The following AOPEP variants were observed in gnomAD, a reference collection of about 807,000 sequenced individuals.
AOPEP encodes aminopeptidase O.
Under a neutral mutation model 98.1 loss-of-function variants are expected in AOPEP, and 77 were observed. That is an observed-to-expected ratio of 0.78 (90% CI 0.65 to 0.95). AOPEP has a LOEUF of 0.95. Ranked by LOEUF, AOPEP falls within the 40% of genes least tolerant of loss-of-function variation. The pLI is 0.00. For missense variants in AOPEP, 1,024 were observed against 1,024.7 expected (o/e 1.00, Z 0.01); for synonymous variants, 346 against 365.3 (o/e 0.95, Z 0.60).
the AOPEP span, among the ~76,000 whole-genome samples, chr9:95,132,428 G>A: frequency 1.5e-3 from 229 of 152,316 alleles, 2 homozygotes; most frequent in South Asian, 0.025. Flanking sequence ...CGGTGACATC[G>A]GTTTTTAAGG....
chr9:94,880,950 G>T (rs2047513032), intron 5 of AOPEP, among the ~76,000 whole-genome samples: 1 of 152,002 alleles, frequency 6.6e-6, no homozygotes, highest in Non-Finnish European at 1.5e-5. Flanking sequence ...CAACACAAGG[G>T]GCTACTAGTT....
chr9:94,814,864 CTGTT>C (rs1276314183), intron 5 of AOPEP, among the ~76,000 whole-genome samples: 12 of 152,274 alleles, frequency 7.9e-5, no homozygotes, highest in Admixed American at 7.2e-4. Context: ...AGACGGTACT[CTGTT>C]TGGTTTTTGG....
intron 1 of AOPEP, among the ~76,000 whole-genome samples, chr9:94,749,501 A>G (rs962403377): frequency 2.6e-5 from 4 of 152,174 alleles, no homozygotes; most frequent in African/African-American, 9.7e-5. Flanking sequence ...TTGTGACCAC[A>G]TTCTCTTTTG....
chr9:95,116,403 A>G, the AOPEP span, among the ~76,000 whole-genome samples: 3 of 152,244 alleles, frequency 2.0e-5, no homozygotes, highest in Non-Finnish European at 4.4e-5. Context: ...GCAAGAACCT[A>G]CATCTTCTCG....
the AOPEP span, among the ~76,000 whole-genome samples, chr9:95,097,247 C>CTAAAG: frequency 3.3e-5 from 5 of 152,362 alleles, no homozygotes; most frequent in East Asian, 9.6e-4. Flanking sequence ...CTGGCATAGG[C>CTAAAG]TAAAGTATAG....
chr9:94,786,852 T>C (rs1844544290), intron 3 of AOPEP, among the ~76,000 whole-genome samples: 1 of 152,230 alleles, frequency 6.6e-6, no homozygotes, highest in Non-Finnish European at 1.5e-5. Flanking sequence ...TGGCTGGTTC[T>C]TATTTGGCCC....
chr9:94,835,130 C>G (rs1488515350), intron 5 of AOPEP, among the ~76,000 whole-genome samples: 1 of 152,176 alleles, frequency 6.6e-6, no homozygotes, highest in Non-Finnish European at 1.5e-5. Context: ...GGGGAAAGGA[C>G]AGTCTTTTCG....
In AOPEP at chr9:94,842,464, G is replaced by C. The variant is rs2042384294; in HGVS notation, c.1364+41462G>C. On this transcript the variant is annotated intron_variant, in intron 5 of 16. Transcript: ENST00000375315. ...TTATTGGATGGAGTTGTCTATCCAA[G>C]GCTCTCCTTCCCCTTTCCCTCTATG... 2.0e-5 allele frequency among the ~76,000 whole-genome samples: 3 copies of C among 152,182 alleles called. No homozygotes were observed. The South Asian group carries it at 6.2e-4, about 31-fold the overall frequency.
At chr9:95,108,970 A>G in the AOPEP span, among the ~76,000 whole-genome samples, 1 of 151,684 alleles carries the variant, frequency 6.6e-6, no homozygotes, top group African/African-American at 2.4e-5. Flanking sequence ...CAGTGGTGCA[A>G]TCTCTACTCA....
chr9:94,943,309 C>A (rs1275968310), intron 7 of AOPEP, among the ~76,000 whole-genome samples: 1 of 152,208 alleles, frequency 6.6e-6, no homozygotes, highest in Non-Finnish European at 1.5e-5. Context: ...AATGGTCAGT[C>A]TGGACCGGGC....
intron 9 of AOPEP, among the ~76,000 whole-genome samples, chr9:94,966,767 C>T (rs1233752065): frequency 1.3e-5 from 2 of 152,058 alleles, no homozygotes; most frequent in African/African-American, 2.4e-5. Flanking sequence ...TGTAGTTATG[C>T]CCCCAATTTT....
chr9:94,938,464 G>A (rs931282605), intron 7 of AOPEP, among the ~76,000 whole-genome samples: 1 of 152,188 alleles, frequency 6.6e-6, no homozygotes, highest in Non-Finnish European at 1.5e-5. Context: ...GTTAGAAAGG[G>A]CTACAGGGGG....
At chr9:94,976,974 C>A (rs140617120) in intron 10 of AOPEP, among the ~76,000 whole-genome samples, 1 of 152,162 alleles carries the variant, frequency 6.6e-6, no homozygotes, top group African/African-American at 2.4e-5. Flanking sequence ...GCCCAGAAGT[C>A]AGCCTCTTGC....
intron 1 of AOPEP, among the ~76,000 whole-genome samples, chr9:94,731,188 C>G (rs1456750355): frequency 6.6e-6 from 1 of 151,816 alleles, no homozygotes; most frequent in Admixed American, 6.6e-5. Context: ...ACTTTTACTT[C>G]TCTCTTGTAG....
intron 5 of AOPEP, among the ~76,000 whole-genome samples, chr9:94,916,475 C>T (rs1274968657): frequency 7.2e-5 from 11 of 152,024 alleles, no homozygotes; most frequent in African/African-American, 2.2e-4. Flanking sequence ...GAGGCCGAGG[C>T]GGGCAGACCA....
intron 4 of AOPEP, 112 bp from the exon 5 acceptor site, chr9:94,800,645 T>A: frequency 9.1e-7 from 1 of 1,099,718 alleles, no homozygotes; most frequent in East Asian, 2.4e-5. Flanking sequence ...TCTTTGCTTG[T>A]GAGTCTGTCT....
intron 7 of AOPEP, chr9:94,933,326 A>G (rs2055687445): frequency 6.1e-6 from 6 of 985,470 alleles, no homozygotes; most frequent in Non-Finnish European, 7.2e-6. Context: ...GGCCCCAGGG[A>G]TGGAAGAGCT....
the AOPEP span, among the ~76,000 whole-genome samples, chr9:95,098,524 T>C: frequency 1.3e-5 from 2 of 152,028 alleles, no homozygotes; most frequent in Middle Eastern, 3.4e-3. Flanking sequence ...AGAGGGGCCC[T>C]AGTGTCCCAT....
At chr9:94,873,279 A>G (rs2046555293) in intron 5 of AOPEP, among the ~76,000 whole-genome samples, 1 of 152,164 alleles carries the variant, frequency 6.6e-6, no homozygotes, top group South Asian at 2.1e-4. Flanking sequence ...CAGATAAAAT[A>G]CTTGAATGCT....
Sources: gnomAD v4.1 joint callset for allele counts (sites outside exome capture counted in the v4.1 genomes callset) on GRCh38, gnomAD v4.1.1 for gene constraint, MANE v1.5 for transcripts, NCBI Gene and HGNC (gene_info 2026-07-23, HGNC 2026-07-21) for gene names.